STARD13: variants seen among roughly 807,000 people sequenced by gnomAD.
STARD13 encodes the protein StAR related lipid transfer domain containing 13.
Under a neutral mutation model 106.4 loss-of-function variants are expected in STARD13, and 62 were observed. That is an observed-to-expected ratio of 0.58 (90% confidence interval 0.48 to 0.72). The LOEUF is 0.72. Among genes scored for constraint, STARD13 ranks in the 30% least tolerant of loss-of-function variants. The pLI, the probability that STARD13 is intolerant of heterozygous loss-of-function variation, is 0.00. For synonymous variants in STARD13, 565 were observed against 553.0 expected (o/e 1.02, Z -0.31); for missense variants, 1,387 against 1,424.0 (o/e 0.97, Z 0.42).
At chr13:33,331,333 C>T (rs372350560) in intron 1 of STARD13, among the ~76,000 whole-genome samples, 6 of 146,898 alleles carry the variant, frequency 4.1e-5, no homozygotes, top group African/African-American at 1.5e-4. Context: ...TCTCTCCCTA[C>T]ATCTTCATTC....
chr13:33,526,594 C>G, the STARD13 span, among the ~76,000 whole-genome samples: 1,047 of 152,154 alleles, frequency 6.9e-3, 14 homozygotes, highest in African/African-American at 0.024. Flanking sequence ...AGCTAGAGTT[C>G]TGGGTTCAAA....
the STARD13 span, among the ~76,000 whole-genome samples, chr13:33,606,689 A>C: frequency 6.6e-6 from 1 of 152,222 alleles, no homozygotes; most frequent in Non-Finnish European, 1.5e-5. Flanking sequence ...GCTGCTGTAA[A>C]GAAATTACCA....
At chr13:33,113,307 C>T (rs1471115094) in intron 8 of STARD13, 2 of 369,126 alleles carry the variant, frequency 5.4e-6, no homozygotes, top group South Asian at 2.1e-5. Flanking sequence ...TCCCTCTTGC[C>T]CATCCTCCCT....
the STARD13 span, among the ~76,000 whole-genome samples, chr13:33,471,143 G>A: frequency 6.6e-6 from 1 of 152,126 alleles, no homozygotes; most frequent in African/African-American, 2.4e-5. Flanking sequence ...TCTGCATATG[G>A]GTAGCCAGAG....
intron 7 of STARD13, among the ~76,000 whole-genome samples, chr13:33,120,082 A>G (rs1159593520): frequency 6.6e-6 from 1 of 152,228 alleles, no homozygotes; most frequent in Non-Finnish European, 1.5e-5. Flanking sequence ...AGTTCTCATA[A>G]TCGAGATGCC....
rs557606376 is a variant in STARD13 at position 33,147,313 on chromosome 13, G to T, written c.324-4940C>A. Among the ~76,000 whole-genome samples, 98 of 152,280 alleles carry T rather than the reference G, an allele frequency of 6.4e-4. 1 individual carries two copies. Among genetic ancestry groups the T allele is most frequent in the African/African-American group, 2.3e-3 (97 of 41,560 alleles). On this transcript the variant is annotated intron_variant, in intron 3 of 13. Coordinates refer to ENST00000336934, the MANE Select transcript of STARD13 (RefSeq NM_178006.4). ...CTGTGTGTATACCCAGGAAAGACCT[G>T]AGCTGGCCCTAATCTTCCACCTTTA... is the stretch of plus-strand genomic sequence containing the variant.
At chr13:33,307,213 G>A (rs767630218) in intron 1 of STARD13, among the ~76,000 whole-genome samples, 2 of 152,168 alleles carry the variant, frequency 1.3e-5, no homozygotes, top group African/African-American at 4.8e-5. Flanking sequence ...CGGTGGGGAT[G>A]CAAATTAGTT....
the STARD13 span, among the ~76,000 whole-genome samples, chr13:33,499,604 T>TTCTTCTTCTTTCTTC: frequency 1.3e-4 from 5 of 39,898 alleles, no homozygotes; most frequent in Non-Finnish European, 2.5e-4. Flanking sequence ...CTTCTTCTTC[T>TTCTTCTTCTTTCTTC]TTCTTCTTCT....
At chr13:33,530,917 T>C in the STARD13 span, among the ~76,000 whole-genome samples, 1 of 152,192 alleles carries the variant, frequency 6.6e-6, no homozygotes, top group Non-Finnish European at 1.5e-5. Context: ...TTTCACTTTA[T>C]TTATTAGTTT....
the STARD13 span, among the ~76,000 whole-genome samples, chr13:33,520,849 A>G: frequency 6.6e-6 from 1 of 152,054 alleles, no homozygotes; most frequent in Non-Finnish European, 1.5e-5. Context: ...TTCCATAGCT[A>G]AAGTACAGGC....
chr13:33,105,410 A>C lies in STARD13; in HGVS notation c.*183T>G, dbSNP rs1317439177. 2 of 560,156 alleles carry C rather than the reference A, an allele frequency of 3.6e-6. No individual in the cohort carries two copies. The highest frequency in any genetic ancestry group is 1.9e-5 in the African/African-American group (1 of 53,630). 34.7% of individuals were successfully genotyped at this position (560,156 alleles called of 1,614,324 possible). On this transcript the variant is annotated 3_prime_UTR_variant, in exon 14 of 14. Coordinates refer to ENST00000336934, the MANE Select transcript of STARD13 (RefSeq NM_178006.4). ...AGTAGGGATGTAGCCATCTCCAGGA[A>C]GGCTAAGAAAGTTCTTGGAAATTCT...
intron 1 of STARD13, among the ~76,000 whole-genome samples, chr13:33,169,596 T>C (rs1461690490): frequency 6.6e-6 from 1 of 152,220 alleles, no homozygotes; most frequent in Non-Finnish European, 1.5e-5. Flanking sequence ...GCACAGAATA[T>C]TATATTTTCT....
At chr13:33,336,340 C>G (rs1396606628) in intron 1 of STARD13, 1 of 152,204 alleles carries the variant, frequency 6.6e-6, no homozygotes, top group Non-Finnish European at 1.5e-5. Context: ...ATTAGACACA[C>G]AAAACAGCGT....
At chr13:33,508,647 G>A in the STARD13 span, among the ~76,000 whole-genome samples, 3 of 152,224 alleles carry the variant, frequency 2.0e-5, no homozygotes, top group Non-Finnish European at 4.4e-5. Context: ...GCTGAGGTGA[G>A]AGGGAGGACT....
the STARD13 span, among the ~76,000 whole-genome samples, chr13:33,438,367 G>A: frequency 2.0e-5 from 3 of 152,184 alleles, no homozygotes; most frequent in East Asian, 1.9e-4. Context: ...CAAGAGAGAC[G>A]AAGCACAGAG....
At chr13:33,263,177 G>C (rs1273735589) in intron 1 of STARD13, among the ~76,000 whole-genome samples, 1 of 152,024 alleles carries the variant, frequency 6.6e-6, no homozygotes, top group Admixed American at 6.6e-5. Flanking sequence ...TTTGGTGTGG[G>C]GGAGCATCCT....
chr13:33,287,829 G>A (rs1892135230), upstream of STARD13, among the ~76,000 whole-genome samples: 1 of 152,136 alleles, frequency 6.6e-6, no homozygotes, highest in Non-Finnish European at 1.5e-5. Flanking sequence ...AATGGAAGGA[G>A]GGTGGAGAGA....
At chr13:33,553,768 C>T in the STARD13 span, among the ~76,000 whole-genome samples, 4 of 151,392 alleles carry the variant, frequency 2.6e-5, no homozygotes, top group Admixed American at 6.6e-5. Flanking sequence ...TTAGTAGAGA[C>T]GGGGTTTCAC....
chr13:33,590,418 T>C, the STARD13 span, among the ~76,000 whole-genome samples: 1 of 151,982 alleles, frequency 6.6e-6, no homozygotes, highest in African/African-American at 2.4e-5. Flanking sequence ...ATTGCGGCAC[T>C]AGTCACAATA....
Sources: allele counts gnomAD v4.1 joint callset (sites outside exome capture counted in the v4.1 genomes callset), GRCh38; gene constraint gnomAD v4.1.1; transcripts MANE v1.5; gene names NCBI Gene and HGNC (gene_info 2026-07-23, HGNC 2026-07-21).